Variants in PALLD observed in about 807,000 individuals in gnomAD.
PALLD encodes palladin.
A neutral mutation model predicts 123.5 loss-of-function variants in PALLD; 61 were observed. That is an observed-to-expected ratio of 0.49 (90% CI 0.40 to 0.61). The LOEUF is 0.61. PALLD is among the 20% of genes least tolerant of loss of function. The pLI is 0.00. For synonymous variants in PALLD, 465 were observed against 496.4 expected (o/e 0.94, Z 0.84); for missense variants, 1,273 against 1,377.0 (o/e 0.92, Z 1.20).
chr4:168,793,797 C>T (rs879170105), intron 10 of PALLD, among the ~76,000 whole-genome samples: 4 of 152,122 alleles, frequency 2.6e-5, no homozygotes, highest in Admixed American at 1.3e-4. Flanking sequence ...GGTGAAATCC[C>T]AAGAGACCTC....
At position 168,511,599 on chromosome 4, in the gene PALLD, C is replaced by T. The variant is rs751923889; in HGVS notation, c.95C>T (p.Ala32Val). 1 of 1,614,098 alleles carries T rather than the reference C, an allele frequency of 6.2e-7. No individual in the cohort carries two copies. The highest frequency in any genetic ancestry group is 8.5e-7 in the Non-Finnish European group (1 of 1,179,946). Reference protein sequence around the residue: ...KNTDFFPGLSAFLSQEEINKS... With the variant: ...KNTDFFPGLSVFLSQEEINKS... The stretch of plus-strand genomic sequence containing the variant: ...ACTGACTTCTTCCCGGGCCTTTCTG[C>T]TTTCCTCAGCCAGGAAGAGATAAAC... Residue 32 changes from alanine (A) to valine (V), a missense_variant, in exon 2 of 22, where the codon GCT becomes GTT. By Grantham distance (64) the Ala-to-Val change is moderately conservative. Transcript: ENST00000505667.
chr4:168,785,846 GATATATATAT>G (rs6148775), intron 10 of PALLD, among the ~76,000 whole-genome samples: 1,457 of 80,918 alleles, frequency 0.018, 84 homozygotes, highest in African/African-American at 0.05. Context: ...AAACTGTAGA[GATATATATAT>G]ATATATATAT....
chr4:168,738,826 G>A (rs1425004477), intron 10 of PALLD, among the ~76,000 whole-genome samples: 1 of 151,002 alleles, frequency 6.6e-6, no homozygotes, highest in East Asian at 2.0e-4. Flanking sequence ...TTAATACCTA[G>A]CATATCAAAA....
At chr4:168,867,655 G>T (rs1263860712) in intron 10 of PALLD, among the ~76,000 whole-genome samples, 1 of 152,040 alleles carries the variant, frequency 6.6e-6, no homozygotes, top group Admixed American at 6.6e-5. Flanking sequence ...ACAAGTTTAT[G>T]AACAATATAT....
chr4:168,726,632 C>A (rs1300167610), intron 10 of PALLD, among the ~76,000 whole-genome samples: 1 of 152,074 alleles, frequency 6.6e-6, no homozygotes, highest in African/African-American at 2.4e-5. Flanking sequence ...ATCCTCTAGC[C>A]TTAGCCTTCC....
chr4:168,580,889 A>G (rs146151136), intron 2 of PALLD, among the ~76,000 whole-genome samples: 93 of 152,180 alleles, frequency 6.1e-4, no homozygotes, highest in African/African-American at 2.2e-3. Context: ...CAAATACTGC[A>G]TGTTCTCACT....
chr4:168,731,016 C>T (rs1787119324), intron 10 of PALLD, among the ~76,000 whole-genome samples: 1 of 152,144 alleles, frequency 6.6e-6, no homozygotes, highest in African/African-American at 2.4e-5. Context: ...CAGCTGCCTT[C>T]CTACAAACTT....
chr4:168,604,780 A>C (rs1773005032), intron 2 of PALLD, among the ~76,000 whole-genome samples: 2 of 152,198 alleles, frequency 1.3e-5, no homozygotes, highest in African/African-American at 4.8e-5. Context: ...TCCGACACAG[A>C]CCTAATGAGC....
intron 10 of PALLD, among the ~76,000 whole-genome samples, chr4:168,889,138 T>TTTTGTGTGTGTG (rs1553968192): frequency 1.5e-5 from 2 of 132,238 alleles, no homozygotes; most frequent in Non-Finnish European, 3.1e-5. Context: ...TTGCTTTATT[T>TTTTGTGTGTGTG]TGTGTGTGTG....
chr4:168,677,737 TCTC>T (rs1284046678), intron 3 of PALLD, among the ~76,000 whole-genome samples: 1 of 152,088 alleles, frequency 6.6e-6, no homozygotes, highest in Non-Finnish European at 1.5e-5. Context: ...GCTCCCTGCA[TCTC>T]CTCATCACAG....
Position 168,805,089 on chromosome 4 carries a change from C to T in PALLD, c.1965-85833C>T, listed in dbSNP as rs149073840. Among the ~76,000 whole-genome samples the T allele has an allele frequency of 5.6e-3, 851 of 151,092 alleles. 3 individuals are homozygous for T. Among genetic ancestry groups the T allele is most frequent in the African/African-American group, 0.02 (816 of 41,112 alleles). On this transcript the variant is annotated intron_variant, in intron 10 of 21. Coordinates refer to ENST00000505667, the MANE Select transcript of PALLD (RefSeq NM_001166108.2). ...AGGAGAATCGTTTAAACCCGGGAGA[C>T]GGAGGTTGCAGTGAGCCGAGATTGC...
At chr4:168,502,191 C>T (rs1761480838) in intron 1 of PALLD, among the ~76,000 whole-genome samples, 1 of 151,938 alleles carries the variant, frequency 6.6e-6, no homozygotes, top group Non-Finnish European at 1.5e-5. Flanking sequence ...TTTTTTTTAG[C>T]TAAAAACATC....
intron 2 of PALLD, among the ~76,000 whole-genome samples, chr4:168,662,257 G>C (rs943608781): frequency 6.6e-6 from 1 of 152,154 alleles, no homozygotes; most frequent in Non-Finnish European, 1.5e-5. Flanking sequence ...TTACTTGAGT[G>C]GATTCTCTCT....
intron 2 of PALLD, among the ~76,000 whole-genome samples, chr4:168,513,466 GAGTCCCCCTGC>G (rs1403974176): frequency 6.6e-5 from 10 of 152,146 alleles, no homozygotes; most frequent in Non-Finnish European, 4.4e-5. Flanking sequence ...AGAGATCCTG[GAGTCCCCCTGC>G]AGGGTTTCCA....
intron 10 of PALLD, among the ~76,000 whole-genome samples, chr4:168,775,465 C>G (rs1735053120): frequency 6.6e-6 from 1 of 152,076 alleles, no homozygotes; most frequent in Admixed American, 6.5e-5. Flanking sequence ...CAGACATGTG[C>G]TTTGCAAATA....
At chr4:168,707,257 C>T (rs774187087) in intron 8 of PALLD, among the ~76,000 whole-genome samples, 1 of 152,164 alleles carries the variant, frequency 6.6e-6, no homozygotes, top group Non-Finnish European at 1.5e-5. Flanking sequence ...TACAGTAGAG[C>T]ACCCCAAAAT....
chr4:168,609,810 G>T (rs188933091), intron 2 of PALLD, among the ~76,000 whole-genome samples: 1 of 152,200 alleles, frequency 6.6e-6, no homozygotes, highest in Non-Finnish European at 1.5e-5. Context: ...CTCTGTTACT[G>T]TTCCTTCAAA....
At chr4:168,541,133 G>A (rs1034545872) in intron 2 of PALLD, among the ~76,000 whole-genome samples, 4 of 152,152 alleles carry the variant, frequency 2.6e-5, no homozygotes, top group African/African-American at 9.7e-5. Flanking sequence ...TCATATTTAC[G>A]CAGATATGTT....
chr4:168,878,673 TA>T (rs1420862762), intron 10 of PALLD, among the ~76,000 whole-genome samples: 2 of 71,080 alleles, frequency 2.8e-5, no homozygotes, highest in African/African-American at 8.4e-5. Context: ...TGCCCTCTCT[TA>T]ATCATTATGG....
Sources: gnomAD v4.1 joint callset for allele counts (sites outside exome capture counted in the v4.1 genomes callset) on GRCh38, gnomAD v4.1.1 for gene constraint, MANE v1.5 for transcripts, NCBI Gene and HGNC (gene_info 2026-07-23, HGNC 2026-07-21) for gene names.